SPATA22: variants seen among roughly 807,000 people sequenced by gnomAD.
The protein encoded by SPATA22 is spermatogenesis associated 22.
SPATA22 carries 29 observed loss-of-function variants against 47.8 expected under a neutral mutation model. That is an observed-to-expected ratio of 0.61 (90% CI 0.45 to 0.83). SPATA22 has a LOEUF of 0.83. Among genes scored for constraint, SPATA22 ranks in the 40% least tolerant of loss-of-function variants. The probability of loss-of-function intolerance (pLI) is 0.00; values close to 1 mark genes in which losing one functional copy is unlikely to be tolerated. For synonymous variants in SPATA22, 133 were observed against 140.9 expected, an observed-to-expected ratio of 0.94 and a Z score of 0.40; for missense variants, 410 against 421.7, an observed-to-expected ratio of 0.97 and a Z score of 0.24.
intron 3 of SPATA22, among the ~76,000 whole-genome samples, chr17:3,464,799 A>G (rs377607833): frequency 2.3e-4 from 17 of 73,260 alleles, no homozygotes; most frequent in Non-Finnish European, 3.0e-4. Context: ...GCCCCGTCTG[A>G]GAAGTGAGGA....
intron 1 of SPATA22, chr17:3,481,502 A>T: frequency 1.8e-6 from 2 of 1,090,144 alleles, no homozygotes; most frequent in Non-Finnish European, 1.3e-6. Flanking sequence ...TTTTCATATT[A>T]AAGATTTGGC....
chr17:3,481,876 A>C (rs2073637671), intron 1 of SPATA22: 1 of 1,333,238 alleles, frequency 7.5e-7, no homozygotes. Flanking sequence ...AGACAATCAG[A>C]AAACAGTTAT....
intron 1 of SPATA22, among the ~76,000 whole-genome samples, chr17:3,478,142 G>A (rs2073563447): frequency 1.3e-5 from 2 of 152,022 alleles, no homozygotes; most frequent in Admixed American, 6.6e-5. Flanking sequence ...CAGAGATGGT[G>A]CCACTGCACT....
chr17:3,496,681 AC>A (rs747188919), intron 1 of SPATA22, among the ~76,000 whole-genome samples: 37 of 152,326 alleles, frequency 2.4e-4, no homozygotes, highest in Admixed American at 1.6e-3. Flanking sequence ...CACGTAGGGG[AC>A]CCCCTCCCAG....
upstream of SPATA22, chr17:3,475,876 G>A: frequency 2.2e-6 from 1 of 445,534 alleles, no homozygotes; most frequent in South Asian, 2.5e-5. Context: ...TAGATCTACT[G>A]ACCATCTGAG....
chr17:3,510,713 A>G (rs1462397223), intron 1 of SPATA22: 6 of 152,270 alleles, frequency 3.9e-5, no homozygotes, highest in Non-Finnish European at 7.3e-5. Context: ...CCAAGATCAC[A>G]GTAAAAAATA....
chr17:3,462,016 G>A (rs2073135442), intron 5 of SPATA22, among the ~76,000 whole-genome samples: 1 of 151,998 alleles, frequency 6.6e-6, no homozygotes, highest in Non-Finnish European at 1.5e-5. Context: ...CCCTACTATT[G>A]CAGATGCATA....
At chr17:3,444,546 A>G (rs1301684273) in intron 7 of SPATA22, among the ~76,000 whole-genome samples, 1 of 152,070 alleles carries the variant, frequency 6.6e-6, no homozygotes, top group Non-Finnish European at 1.5e-5. Flanking sequence ...AAGCTTCTGG[A>G]GAGACTATAG....
At chr17:3,484,183 A>T (rs9904040) in intron 1 of SPATA22, among the ~76,000 whole-genome samples, 3 of 151,836 alleles carry the variant, frequency 2.0e-5, no homozygotes, top group Admixed American at 1.3e-4. Context: ...TTCACCTGTC[A>T]CCTCCTATAG....
intron 5 of SPATA22, among the ~76,000 whole-genome samples, chr17:3,458,321 TAAC>T (rs1217420435): frequency 2.6e-5 from 4 of 151,926 alleles, no homozygotes; most frequent in East Asian, 1.9e-4. Flanking sequence ...ATTCAAAAGA[TAAC>T]AAGTGTTGGC....
rs774323189 is a variant in SPATA22 at position 3,499,005 on chromosome 17, G to A, written c.-74+14407C>T. ...GTACCCCGTGTTTGTGAATGAGGCCGCATATTACGAAAAGAAAGAAGCTTT... is the reference window on the plus strand; with the variant it reads ...GTACCCCGTGTTTGTGAATGAGGCCACATATTACGAAAAGAAAGAAGCTTT... On this transcript the variant is annotated intron_variant, in intron 1 of 8. Coordinates refer to the SPATA22 transcript ENST00000541913. 9.3e-6 allele frequency: 15 copies of A among 1,614,016 alleles called. No individual in the cohort carries two copies. The highest frequency in any genetic ancestry group is 4.0e-5 in the African/African-American group (3 of 74,916).
intron 1 of SPATA22, among the ~76,000 whole-genome samples, chr17:3,505,066 G>A (rs535679626): frequency 5.6e-5 from 8 of 142,596 alleles, no homozygotes; most frequent in African/African-American, 2.1e-4. Flanking sequence ...GTCCTCAGAT[G>A]CACAAAGTTC....
intron 1 of SPATA22, among the ~76,000 whole-genome samples, chr17:3,497,670 G>A (rs909174224): frequency 3.9e-5 from 6 of 152,136 alleles, no homozygotes; most frequent in Non-Finnish European, 7.4e-5. Flanking sequence ...AGAAAACTGC[G>A]GTGATGCGGC....
At chr17:3,478,426 A>T (rs1195704005) in intron 1 of SPATA22, among the ~76,000 whole-genome samples, 1 of 152,132 alleles carries the variant, frequency 6.6e-6, no homozygotes, top group Non-Finnish European at 1.5e-5. Flanking sequence ...TACTAGCATA[A>T]ATTTTAATTT....
Position 3,471,706 on chromosome 17 carries a change from G to A in SPATA22, c.-98C>T, listed in dbSNP as rs2073440861. ...CAGTCTTTCCCTTCTAGGCCCTCCT[G>A]CCAACACGACACACAACTTTCGCCC... On this transcript the variant is annotated 5_prime_UTR_variant, in exon 1 of 9. Transcript: ENST00000572969. The A allele has an allele frequency of 2.2e-5, 22 of 985,386 alleles. 1 individual carries two copies. In the South Asian group the frequency reaches 1.0e-3, roughly 46 times the overall value. The allele number at this position is 985,386 out of a possible 1,614,324, so 61.0% of individuals were successfully genotyped here.
chr17:3,484,598 G>A (rs561932969), intron 1 of SPATA22, among the ~76,000 whole-genome samples: 9 of 152,166 alleles, frequency 5.9e-5, no homozygotes, highest in Non-Finnish European at 1.3e-4. Flanking sequence ...GTGATGAAAG[G>A]CCATTGCTGA....
rs1220566900 is a variant in SPATA22, at chr17:3,449,171, G to A, written c.330-22C>T. 6 of 1,457,708 alleles carry A rather than the reference G, an allele frequency of 4.1e-6. No homozygotes were observed. The East Asian group carries it at 1.2e-4, about 28-fold the overall frequency. 90.3% of individuals were successfully genotyped at this position (1,457,708 alleles called of 1,614,324 possible). A position where few individuals can be genotyped will look rare whatever the true frequency, so the allele number is the denominator to read the frequency against. ...GTAGCTGTAATAGTGCAAAAAAAAA[G>A]CATTTGTTTCTATATGGTTTCTTAA... On this transcript the variant is annotated intron_variant, in intron 5 of 8. Coordinates refer to ENST00000572969, the MANE Select transcript of SPATA22 (RefSeq NM_001170698.2).
rs551174543 is a variant in SPATA22, at chr17:3,488,578, A to G, written c.-73-19180T>C. ...AGGCTGAGGCAGAAGAATCGCTTGAACCTGGGAGGCAGAGGTTGCAGTGAG... is the reference window on the plus strand; with the variant it reads ...AGGCTGAGGCAGAAGAATCGCTTGAGCCTGGGAGGCAGAGGTTGCAGTGAG... On this transcript the variant is annotated intron_variant, in intron 1 of 8. Coordinates refer to the SPATA22 transcript ENST00000541913. The surrounding 1 kb of genome is among the most constrained non-coding windows in gnomAD (Gnocchi z 6.1). Among the ~76,000 whole-genome samples, 1 of 152,246 alleles carries G rather than the reference A, an allele frequency of 6.6e-6. No homozygotes were observed. The highest frequency in any genetic ancestry group is 2.4e-5 in the African/African-American group (1 of 41,540).
chr17:3,493,676 C>T (rs2073863242), intron 1 of SPATA22, among the ~76,000 whole-genome samples: 1 of 152,002 alleles, frequency 6.6e-6, no homozygotes, highest in Non-Finnish European at 1.5e-5. Flanking sequence ...TGGAAGGGTC[C>T]TCCAAGATAA....
Sources: gnomAD v4.1 joint callset for allele counts (sites outside exome capture counted in the v4.1 genomes callset) on GRCh38, gnomAD v4.1.1 for gene constraint, Gnocchi (gnomAD v3.1) non-coding constraint, MANE v1.5 for transcripts, NCBI Gene and HGNC (gene_info 2026-07-23, HGNC 2026-07-21) for gene names.